Variants in TMPRSS11F observed in about 807,000 individuals in gnomAD.
TMPRSS11F encodes transmembrane serine protease 11F, also known as transmembrane protease serine 11F.
TMPRSS11F carries 47 observed loss-of-function variants against 60.2 expected under a neutral mutation model. That is an observed-to-expected ratio of 0.78 (90% confidence interval 0.62 to 1.00). TMPRSS11F has a LOEUF of 1.00. Ranked by LOEUF, TMPRSS11F falls within the 50% of genes least tolerant of loss-of-function variation. TMPRSS11F has a pLI of 0.00. For synonymous variants in TMPRSS11F, 166 were observed against 167.3 expected, an observed-to-expected ratio of 0.99 and a Z score of 0.06; for missense variants, 519 against 522.9, an observed-to-expected ratio of 0.99 and a Z score of 0.07.
At chr4:68,104,518 C>T (rs6819686) in intron 1 of TMPRSS11F, among the ~76,000 whole-genome samples, 43,979 of 151,926 alleles carry the variant, frequency 0.29, 6,452 homozygotes, top group East Asian at 0.48. Flanking sequence ...TGTACTTCTC[C>T]CTGCCATTGC....
intron 1 of TMPRSS11F, among the ~76,000 whole-genome samples, chr4:68,101,996 C>A (rs899598338): frequency 1.3e-5 from 2 of 152,028 alleles, no homozygotes; most frequent in African/African-American, 2.4e-5. Flanking sequence ...CATTTAATTG[C>A]CCCTATAACC....
rs538015457 is a variant in TMPRSS11F at position 68,060,043 on chromosome 4, G to A, written c.1016-575C>T. Among the ~76,000 whole-genome samples the A allele has an allele frequency of 1.2e-4, 18 of 152,206 alleles. 1 individual carries two copies. The highest frequency in any genetic ancestry group is 4.1e-4 in the African/African-American group (17 of 41,524). Reference sequence around the variant, plus strand: ...AGAGGATACTGCACAGTTGAATATCGAAAATAAGTAGTTTAGGGCTCTGGG... The same window carrying A: ...AGAGGATACTGCACAGTTGAATATCAAAAATAAGTAGTTTAGGGCTCTGGG... On this transcript the variant is annotated intron_variant, in intron 8 of 9. Transcript: ENST00000356291.
intron 1 of TMPRSS11F, 125 bp downstream of exon 1, chr4:68,129,685 T>C (rs1724780883): frequency 1.2e-6 from 1 of 822,846 alleles, no homozygotes; most frequent in African/African-American, 1.7e-5. Flanking sequence ...TAAAATACAA[T>C]AACACACATT....
chr4:68,117,383 A>C (rs1359708366), intron 1 of TMPRSS11F, among the ~76,000 whole-genome samples: 4 of 137,264 alleles, frequency 2.9e-5, no homozygotes, highest in African/African-American at 1.1e-4. Context: ...AGGAGAATGG[A>C]GTGAACCCTG....
At chr4:68,105,648 C>T (rs547129499) in intron 1 of TMPRSS11F, among the ~76,000 whole-genome samples, 100 of 152,164 alleles carry the variant, frequency 6.6e-4, no homozygotes, top group Non-Finnish European at 1.2e-3. Flanking sequence ...TTGGTCTTTT[C>T]TTTAAATATA....
intron 9 of TMPRSS11F, among the ~76,000 whole-genome samples, chr4:68,056,891 T>C (rs1435678080): frequency 6.6e-6 from 1 of 152,216 alleles, no homozygotes; most frequent in Non-Finnish European, 1.5e-5. Flanking sequence ...CATATATTTA[T>C]GGTCAATTGA....
intron 1 of TMPRSS11F, among the ~76,000 whole-genome samples, chr4:68,112,709 G>A (rs79206871): frequency 0.37 from 55,503 of 151,908 alleles, 12,614 homozygotes; most frequent in Non-Finnish European, 0.52. Flanking sequence ...GCTCATTGCC[G>A]TAACTCCAGT....
At position 68,087,054 on chromosome 4, in the gene TMPRSS11F, G is replaced by A. The variant is rs117112638; in HGVS notation, c.282+3469C>T. On this transcript the variant is annotated intron_variant, in intron 3 of 9. Coordinates refer to ENST00000356291, the MANE Select transcript of TMPRSS11F (RefSeq NM_207407.2). ...TAGCATCATCCTGATACCAAAATTT[G>A]ACAAAGATACGTGAAAAAAGAAAAT... is the stretch of plus-strand genomic sequence containing the variant. Among the ~76,000 whole-genome samples the A allele has an allele frequency of 7.2e-5, 11 of 152,132 alleles. No homozygotes were observed. In the East Asian group the frequency reaches 2.1e-3, roughly 29 times the overall value.
At chr4:68,103,363 C>G (rs1724231699) in intron 1 of TMPRSS11F, among the ~76,000 whole-genome samples, 1 of 151,670 alleles carries the variant, frequency 6.6e-6, no homozygotes, top group Non-Finnish European at 1.5e-5. Context: ...GGAAGATCAC[C>G]TGAGCCCAGG....
chr4:68,059,611 T>A, intron 8 of TMPRSS11F, 143 bp from the exon 9 acceptor site: 2 of 807,420 alleles, frequency 2.5e-6, no homozygotes, highest in East Asian at 5.4e-5. Flanking sequence ...CTGTCATAAA[T>A]GTCTACATGC....
At chr4:68,067,385 T>C (rs1387664713) in intron 7 of TMPRSS11F, among the ~76,000 whole-genome samples, 2 of 152,252 alleles carry the variant, frequency 1.3e-5, no homozygotes, top group Admixed American at 1.3e-4. Context: ...TGTAGGTCTG[T>C]GAGTACCCAG....
chr4:68,099,378 T>C (rs1380917673), intron 1 of TMPRSS11F, among the ~76,000 whole-genome samples: 1 of 152,164 alleles, frequency 6.6e-6, no homozygotes, highest in South Asian at 2.1e-4. Flanking sequence ...ACCTTAACAA[T>C]TTCTTAATGG....
Position 68,081,969 on chromosome 4 carries a change from G to A in TMPRSS11F, c.283-7960C>T, listed in dbSNP as rs181907970. ...GAACTTGTTGGGGGAGTGGCAAGAC[G>A]GCTGCCCAGATACAGCCAGAAAGGA... On this transcript the variant is annotated intron_variant, in intron 3 of 9. Transcript: ENST00000356291. Among the ~76,000 whole-genome samples the A allele has an allele frequency of 4.1e-4, 62 of 152,204 alleles. 1 individual carries two copies. In the East Asian group the frequency reaches 9.8e-3, roughly 24 times the overall value.
intron 1 of TMPRSS11F, among the ~76,000 whole-genome samples, chr4:68,105,609 A>AT (rs1416281429): frequency 1.3e-5 from 2 of 152,154 alleles, no homozygotes; most frequent in East Asian, 3.8e-4. Flanking sequence ...TTCAATCCCT[A>AT]AAGCAAAGGG....
chr4:68,098,059 C>T (rs1299240307), intron 2 of TMPRSS11F, among the ~76,000 whole-genome samples: 1 of 152,098 alleles, frequency 6.6e-6, no homozygotes, highest in East Asian at 1.9e-4. Context: ...AATCCCAGCA[C>T]TTTGGGAGGC....
chr4:68,070,700 T>C (rs1723440801), intron 5 of TMPRSS11F, among the ~76,000 whole-genome samples: 1 of 152,216 alleles, frequency 6.6e-6, no homozygotes, highest in Admixed American at 6.5e-5. Context: ...TTCAAATTTA[T>C]TCATTCATTT....
At chr4:68,090,427 AAAG>A (rs1424670852) in intron 3 of TMPRSS11F, 93 bp downstream of exon 3, 1 of 1,442,430 alleles carries the variant, frequency 6.9e-7, no homozygotes, top group Non-Finnish European at 9.1e-7. Context: ...CCATTATGCA[AAAG>A]AAGAAATTGA....
intron 1 of TMPRSS11F, among the ~76,000 whole-genome samples, chr4:68,101,936 C>T (rs533004031): frequency 8.5e-5 from 13 of 152,248 alleles, no homozygotes; most frequent in Admixed American, 8.5e-4. Flanking sequence ...GATCTCCAGA[C>T]TTTCCATCCT....
intron 1 of TMPRSS11F, among the ~76,000 whole-genome samples, chr4:68,124,725 G>A (rs1260853906): frequency 6.6e-6 from 1 of 152,002 alleles, no homozygotes; most frequent in African/African-American, 2.4e-5. Context: ...AGTTAAGGCT[G>A]TTGTTTGGCA....
Sources: gnomAD v4.1 joint callset for allele counts (sites outside exome capture counted in the v4.1 genomes callset) on GRCh38, gnomAD v4.1.1 for gene constraint, MANE v1.5 for transcripts, NCBI Gene and HGNC (gene_info 2026-07-23, HGNC 2026-07-21) for gene names.